Variants in SUPT3H observed in about 807,000 individuals in gnomAD.
The protein encoded by SUPT3H is SPT3 homolog, SAGA and STAGA complex component.
A neutral mutation model predicts 44.3 loss-of-function variants in SUPT3H; 44 were observed. The ratio of observed to expected loss-of-function variants is 0.99; its 90% CI spans 0.78 to 1.28. The LOEUF (loss-of-function observed/expected upper bound fraction) is 1.28, where lower values mean the gene tolerates loss of function less well. Among genes scored for constraint, SUPT3H ranks in the 50% most tolerant of loss-of-function variants. The pLI, the probability that SUPT3H is intolerant of heterozygous loss-of-function variation, is 0.00. For missense variants in SUPT3H, 380 were observed against 387.1 expected, an observed-to-expected ratio of 0.98 and a Z score of 0.15; for synonymous variants, 124 against 125.6, an observed-to-expected ratio of 0.99 and a Z score of 0.09.
At chr6:44,958,685 G>T (rs1169485759) in intron 7 of SUPT3H, among the ~76,000 whole-genome samples, 1 of 151,872 alleles carries the variant, frequency 6.6e-6, no homozygotes, top group Non-Finnish European at 1.5e-5. Context: ...GGGGCCAAAA[G>T]ACAAGGGAAT....
chr6:45,021,909 T>C (rs926554477), intron 3 of SUPT3H, among the ~76,000 whole-genome samples: 1 of 152,070 alleles, frequency 6.6e-6, no homozygotes, highest in East Asian at 1.9e-4. Flanking sequence ...AATTTAACTG[T>C]GAACCATTTA....
rs1352811157 is a variant in SUPT3H, at chr6:45,077,639, A to AAAAAAAAG, written c.186+28282_186+28283insCTTTTTTT. On this transcript the variant is annotated intron_variant, in intron 3 of 10. Coordinates refer to ENST00000371459, the MANE Select transcript of SUPT3H (RefSeq NM_003599.4). ...GAGACCTTGTTTCAAAAAAAAAAAA[A>AAAAAAAAG]AAAGAAAAGAAAAAAAAAAGTGTTC... Among the ~76,000 whole-genome samples, 9 of 85,844 alleles carry AAAAAAAAG rather than the reference A, an allele frequency of 1.0e-4. No homozygotes were observed. In the South Asian group the frequency reaches 3.0e-3, roughly 28 times the overall value. The allele number at this position is 85,844 out of a possible 152,430, so 56.3% of individuals were successfully genotyped here.
chr6:45,176,317 C>CG (rs1554273787), intron 2 of SUPT3H, among the ~76,000 whole-genome samples: 2 of 151,664 alleles, frequency 1.3e-5, no homozygotes, highest in Admixed American at 6.6e-5. Flanking sequence ...GGGTGACGGA[C>CG]GCACCTGGAA....
At chr6:45,279,936 C>T (rs1777684638) in intron 2 of SUPT3H, among the ~76,000 whole-genome samples, 1 of 152,134 alleles carries the variant, frequency 6.6e-6, no homozygotes, top group South Asian at 2.1e-4. Flanking sequence ...GCTCTACTTG[C>T]ACTCCATGAT....
chr6:44,857,615 C>A (rs1773949599), intron 10 of SUPT3H, among the ~76,000 whole-genome samples: 1 of 152,082 alleles, frequency 6.6e-6, no homozygotes, highest in South Asian at 2.1e-4. Context: ...AACAGATTTT[C>A]TTTAAAAGTT....
intron 9 of SUPT3H, among the ~76,000 whole-genome samples, chr6:44,933,917 T>C (rs991766546): frequency 6.6e-6 from 1 of 152,214 alleles, no homozygotes; most frequent in Non-Finnish European, 1.5e-5. Context: ...TGGGTAATGT[T>C]AGCTAGTAAT....
At chr6:44,974,840 C>G (rs17339124) in intron 6 of SUPT3H, among the ~76,000 whole-genome samples, 69,581 of 151,936 alleles carry the variant, frequency 0.46, 16,396 homozygotes, top group Admixed American at 0.55. Context: ...ATTCTATACC[C>G]TATGTGAAAG....
intron 3 of SUPT3H, among the ~76,000 whole-genome samples, chr6:45,049,683 T>G (rs1789971126): frequency 6.6e-6 from 1 of 152,094 alleles, no homozygotes; most frequent in Non-Finnish European, 1.5e-5. Flanking sequence ...GCTTCATTGT[T>G]TATAGCTTAA....
At chr6:45,039,964 T>C (rs957534310) in intron 3 of SUPT3H, among the ~76,000 whole-genome samples, 1 of 152,186 alleles carries the variant, frequency 6.6e-6, no homozygotes, top group Admixed American at 6.5e-5. Flanking sequence ...CTTTCAGCTT[T>C]TTAAACTGGC....
chr6:44,999,775 A>G (rs1271316312), intron 6 of SUPT3H, among the ~76,000 whole-genome samples: 1 of 152,044 alleles, frequency 6.6e-6, no homozygotes, highest in Non-Finnish European at 1.5e-5. Context: ...ATGCTCTGGA[A>G]TTTGATGATT....
At chr6:44,963,094 T>C (rs1233225345) in intron 6 of SUPT3H, among the ~76,000 whole-genome samples, 1 of 151,414 alleles carries the variant, frequency 6.6e-6, no homozygotes, top group Non-Finnish European at 1.5e-5. Context: ...AAGATAAATA[T>C]ATAAATTATA....
chr6:45,083,479 T>A (rs1044737777), intron 3 of SUPT3H, among the ~76,000 whole-genome samples: 20 of 152,146 alleles, frequency 1.3e-4, no homozygotes, highest in African/African-American at 4.8e-4. Context: ...CATGAGCCAC[T>A]GTGCCCGGCC....
chr6:44,836,352 GC>G (rs1226212054), intron 10 of SUPT3H, among the ~76,000 whole-genome samples: 3 of 151,920 alleles, frequency 2.0e-5, no homozygotes, highest in African/African-American at 7.3e-5. Flanking sequence ...TTGTATACTT[GC>G]CCTATGTTAT....
At chr6:45,121,373 C>T (rs933097519) in intron 2 of SUPT3H, among the ~76,000 whole-genome samples, 8 of 152,082 alleles carry the variant, frequency 5.3e-5, no homozygotes, top group Non-Finnish European at 8.8e-5. Flanking sequence ...CAGAGGTTTC[C>T]AGGATTCAAA....
intron 3 of SUPT3H, among the ~76,000 whole-genome samples, chr6:45,049,056 T>C (rs1789868658): frequency 6.6e-6 from 1 of 152,028 alleles, no homozygotes; most frequent in South Asian, 2.1e-4. Flanking sequence ...AAAAAATTAA[T>C]ATGTGAAGTA....
chr6:45,020,601 C>A lies in SUPT3H; in HGVS notation c.218G>T (p.Arg73Leu). 6.2e-7 allele frequency: 1 copy of A among 1,611,170 alleles called. No individual in the cohort carries two copies. Residue 73 changes from arginine (R) to leucine (L), a missense_variant, in exon 4 of 11, where the codon CGG (arginine) becomes CTG (leucine). By Grantham distance (102) the Arg-to-Leu change is moderately radical. Transcript: ENST00000371459. ...LQQAAEVSQL[R>L]GARVITPEDL... ...TTCAGGAGTGATTACCCTTGCTCCC[C>A]GCAGCTGAGAAACTTCAGCAGCTTG...
At chr6:44,949,021 G>T (rs1038027924) in intron 9 of SUPT3H, among the ~76,000 whole-genome samples, 1 of 152,190 alleles carries the variant, frequency 6.6e-6, no homozygotes, top group Non-Finnish European at 1.5e-5. Context: ...ACTGGATTAA[G>T]AAAATGTGGC....
At chr6:45,237,776 A>G (rs1392977988) in intron 2 of SUPT3H, among the ~76,000 whole-genome samples, 1 of 152,146 alleles carries the variant, frequency 6.6e-6, no homozygotes, top group Non-Finnish European at 1.5e-5. Context: ...TAGCTTCAAT[A>G]TTTTCCCCTT....
intron 11 of SUPT3H, among the ~76,000 whole-genome samples, chr6:44,821,699 A>T (rs191064129): frequency 4.1e-4 from 63 of 152,248 alleles, no homozygotes; most frequent in Non-Finnish European, 3.8e-4. Flanking sequence ...AATATCATAA[A>T]TTTTTCCCAA....
Sources: allele counts gnomAD v4.1 joint callset (sites outside exome capture counted in the v4.1 genomes callset), GRCh38; gene constraint gnomAD v4.1.1; transcripts MANE v1.5; gene names NCBI Gene and HGNC (gene_info 2026-07-23, HGNC 2026-07-21).